Variants in PKIB observed in about 807,000 individuals in gnomAD.
The protein encoded by PKIB is PKI-beta.
PKIB carries 2 observed loss-of-function variants against 4.5 expected under a neutral mutation model. The observed-to-expected ratio is 0.44, with a 90% confidence interval of 0.18 to 1.39. The LOEUF (loss-of-function observed/expected upper bound fraction) is 1.39. PKIB is among the 40% of genes most tolerant of loss of function. The pLI is 0.27. For synonymous variants in PKIB, 38 were observed against 36.0 expected, an observed-to-expected ratio of 1.06 and a Z score of -0.20; for missense variants, 94 against 92.6, an observed-to-expected ratio of 1.02 and a Z score of -0.06.
chr6:122,618,484 A>G (rs1426090738), intron 1 of PKIB, among the ~76,000 whole-genome samples: 2 of 152,192 alleles, frequency 1.3e-5, no homozygotes, highest in East Asian at 3.9e-4. Flanking sequence ...TAGAGATAAT[A>G]TACGTTGCAA....
chr6:122,629,506 A>C (rs1386654247), intron 1 of PKIB, among the ~76,000 whole-genome samples: 2 of 152,224 alleles, frequency 1.3e-5, no homozygotes, highest in South Asian at 4.1e-4. Flanking sequence ...CAACATCCTC[A>C]AAGAGGTAGA....
intron 2 of PKIB, among the ~76,000 whole-genome samples, chr6:122,573,146 A>C (rs1012118213): frequency 6.6e-6 from 1 of 152,198 alleles, no homozygotes; most frequent in African/African-American, 2.4e-5. Flanking sequence ...TACCAAAACC[A>C]GGAAAGGACA....
intron 3 of PKIB, among the ~76,000 whole-genome samples, chr6:122,703,675 A>G (rs544666226): frequency 6.6e-6 from 1 of 151,830 alleles, no homozygotes; most frequent in East Asian, 1.9e-4. Context: ...TACACTTATG[A>G]TGCAATTCTC....
chr6:122,612,207 TGCATTACA>T (rs1774787964), intron 1 of PKIB, among the ~76,000 whole-genome samples: 2 of 152,210 alleles, frequency 1.3e-5, no homozygotes, highest in Admixed American at 1.3e-4. Context: ...TTACGCAGTT[TGCATTACA>T]GCATTTTTTT....
At chr6:122,553,481 C>CCTTTTTTTTTTTTT (rs1772746353) in intron 2 of PKIB, among the ~76,000 whole-genome samples, 1 of 65,838 alleles carries the variant, frequency 1.5e-5, no homozygotes, top group East Asian at 5.4e-4. Context: ...CAAATATCTT[C>CCTTTTTTTTTTTTT]TTTTTTTTTT....
chr6:122,698,084 T>C (rs984539872), intron 3 of PKIB, among the ~76,000 whole-genome samples: 1 of 152,052 alleles, frequency 6.6e-6, no homozygotes, highest in Non-Finnish European at 1.5e-5. Flanking sequence ...TGCTGACCCT[T>C]GGGTTCTATT....
intron 2 of PKIB, among the ~76,000 whole-genome samples, chr6:122,520,798 T>G (rs1410446956): frequency 1.3e-5 from 2 of 152,130 alleles, no homozygotes; most frequent in Admixed American, 1.3e-4. Context: ...ATCAACACAT[T>G]TTTTGCCAAT....
chr6:122,615,530 C>T (rs1334277772), intron 1 of PKIB, among the ~76,000 whole-genome samples: 1 of 152,110 alleles, frequency 6.6e-6, no homozygotes, highest in Non-Finnish European at 1.5e-5. Context: ...AATGGGGCGA[C>T]TTCATGGGTG....
chr6:122,532,549 C>A (rs1777289576), intron 2 of PKIB, among the ~76,000 whole-genome samples: 2 of 152,176 alleles, frequency 1.3e-5, no homozygotes, highest in Admixed American at 6.5e-5. Context: ...CAGCTCCTGG[C>A]AACCACTATT....
chr6:122,553,440 C>A (rs1772740538), intron 2 of PKIB, among the ~76,000 whole-genome samples: 1 of 146,004 alleles, frequency 6.8e-6, no homozygotes, highest in South Asian at 2.2e-4. Context: ...CTGAACTCAT[C>A]ACCTTGTTGC....
chr6:122,507,408 G>T (rs1776442525), intron 2 of PKIB, among the ~76,000 whole-genome samples: 1 of 152,248 alleles, frequency 6.6e-6, no homozygotes, highest in African/African-American at 2.4e-5. Flanking sequence ...TATCTAATAG[G>T]TATAATTTTG....
chr6:122,647,973 T>A (rs1776392319), intron 2 of PKIB, among the ~76,000 whole-genome samples: 1 of 152,196 alleles, frequency 6.6e-6, no homozygotes, highest in Non-Finnish European at 1.5e-5. Context: ...CAGAATGTGG[T>A]AGTAATAAGA....
intron 2 of PKIB, among the ~76,000 whole-genome samples, chr6:122,541,713 A>G (rs1001071497): frequency 2.0e-5 from 3 of 151,694 alleles, no homozygotes; most frequent in Non-Finnish European, 4.4e-5. Context: ...GTATTTCCTG[A>G]ATCTGAATGT....
intron 2 of PKIB, among the ~76,000 whole-genome samples, chr6:122,497,897 C>G (rs896654840): frequency 7.2e-5 from 11 of 152,148 alleles, no homozygotes; most frequent in Non-Finnish European, 7.4e-5. Context: ...ACCCATCAAC[C>G]AACCACAGAA....
intron 2 of PKIB, among the ~76,000 whole-genome samples, chr6:122,550,377 A>G (rs1366996275): frequency 1.3e-5 from 2 of 152,066 alleles, no homozygotes; most frequent in African/African-American, 2.4e-5. Context: ...TTACATCTAT[A>G]TTTATTGCTT....
chr6:122,620,712 T>C (rs1775192447), intron 1 of PKIB, among the ~76,000 whole-genome samples: 1 of 152,232 alleles, frequency 6.6e-6, no homozygotes, highest in Non-Finnish European at 1.5e-5. Context: ...TTTGCTCGTG[T>C]TCCTATTTAA....
upstream of PKIB, among the ~76,000 whole-genome samples, chr6:122,605,396 C>CAATATTCCAT (rs1490434619): frequency 6.6e-5 from 10 of 152,312 alleles, no homozygotes; most frequent in East Asian, 1.9e-3. Context: ...CTGGCAGCTA[C>CAATATTCCAT]TTGAATATTC....
intron 3 of PKIB, among the ~76,000 whole-genome samples, chr6:122,708,576 T>A (rs1314601239): frequency 6.6e-6 from 1 of 152,130 alleles, no homozygotes; most frequent in Admixed American, 6.5e-5. Flanking sequence ...GGAAGCAGAT[T>A]GTAAATGATT....
chr6:122,712,317 G>C (rs1191544545), intron 3 of PKIB, among the ~76,000 whole-genome samples: 3 of 152,136 alleles, frequency 2.0e-5, no homozygotes, highest in Admixed American at 2.0e-4. Context: ...ATGACTGAAT[G>C]AATAAATAAT....
Sources: gnomAD v4.1 joint callset for allele counts (sites outside exome capture counted in the v4.1 genomes callset) on GRCh38, gnomAD v4.1.1 for gene constraint, MANE v1.5 for transcripts, NCBI Gene and HGNC (gene_info 2026-07-23, HGNC 2026-07-21) for gene names.